ARHGEF12: variants seen among roughly 807,000 people sequenced by gnomAD.
The protein encoded by ARHGEF12 is Rho guanine nucleotide exchange factor 12.
In ARHGEF12, 66 loss-of-function variants were observed where a neutral mutation model predicts 211.2. The observed-to-expected ratio is 0.31, with a 90% CI of 0.26 to 0.38. ARHGEF12 has a LOEUF of 0.38. Ranked by LOEUF, ARHGEF12 falls within the 10% of genes least tolerant of loss-of-function variation. The pLI, the probability that ARHGEF12 is intolerant of heterozygous loss-of-function variation, is 1.00. For synonymous variants in ARHGEF12, 592 were observed against 638.4 expected, an observed-to-expected ratio of 0.93 and a Z score of 1.09; for missense variants, 1,429 against 1,869.5, an observed-to-expected ratio of 0.76 and a Z score of 4.34.
chr11:120,353,888 A>G (rs908987802), intron 1 of ARHGEF12, among the ~76,000 whole-genome samples: 2 of 152,314 alleles, frequency 1.3e-5, no homozygotes, highest in Admixed American at 6.5e-5. Context: ...AGGATATCTC[A>G]TACTGCAAAG....
At chr11:120,437,489 G>T in intron 12 of ARHGEF12, 107 bp downstream of exon 12, 1 of 709,850 alleles carries the variant, frequency 1.4e-6, no homozygotes, top group Non-Finnish European at 2.0e-6. Flanking sequence ...TTATTTTTTG[G>T]AAAAAAAATT....
At chr11:120,437,458 G>C in intron 12 of ARHGEF12, 76 bp downstream of exon 12, 1 of 968,518 alleles carries the variant, frequency 1.0e-6, no homozygotes. Context: ...AGACACATCT[G>C]ATGTTTACAT....
At chr11:120,467,131 T>C (rs1946725727) in intron 28 of ARHGEF12, 63 bp from the exon 29 acceptor site, 2 of 1,069,342 alleles carry the variant, frequency 1.9e-6, no homozygotes, top group Non-Finnish European at 2.9e-6. Flanking sequence ...TCACGGTGAA[T>C]ACATGGTACA....
chr11:120,343,410 G>T (rs78036586), intron 1 of ARHGEF12, among the ~76,000 whole-genome samples: 1 of 152,184 alleles, frequency 6.6e-6, no homozygotes, highest in Non-Finnish European at 1.5e-5. Flanking sequence ...AGGGAAGACC[G>T]CTATAAGACA....
chr11:120,419,623 C>CTG (rs1231522371), intron 4 of ARHGEF12, among the ~76,000 whole-genome samples: 1 of 151,682 alleles, frequency 6.6e-6, no homozygotes, highest in Non-Finnish European at 1.5e-5. Flanking sequence ...TGTATATACA[C>CTG]TGTGTGTATA....
Position 120,420,859 on chromosome 11 carries a change from A to G in ARHGEF12, c.298+8A>G, listed in dbSNP as rs1369849188. On this transcript the variant is annotated splice_region_variant and intron_variant, in intron 5 of 40. Transcript: ENST00000397843. ...TACAGTCTGTCAAAGAAGGCAAGGCATTTTAAAAAACAATTTATCACTCAG... is the reference window on the plus strand; with the variant it reads ...TACAGTCTGTCAAAGAAGGCAAGGCGTTTTAAAAAACAATTTATCACTCAG... The G allele has an allele frequency of 3.1e-6, 5 of 1,610,804 alleles. No homozygotes were observed. The highest frequency in any genetic ancestry group is 4.2e-6 in the Non-Finnish European group (5 of 1,177,276).
Position 120,488,970 on chromosome 11 carries a change from G to C in ARHGEF12, c.*3893G>C. On this transcript the variant is annotated 3_prime_UTR_variant, in exon 41 of 41. Transcript: ENST00000397843. ...AATATTGGTCATCTAAAAACTTTCT[G>C]TTTTCTGGGGTCTGGGAAAATAGAA... 4.6e-6 allele frequency: 1 copy of C among 218,972 alleles called. No homozygotes were observed. Among genetic ancestry groups the C allele is most frequent in the East Asian group, 6.8e-5 (1 of 14,728 alleles). The allele number at this position is 218,972 out of a possible 1,614,324, so 13.6% of individuals were successfully genotyped here. A position where few individuals can be genotyped will look rare whatever the true frequency, so the allele number is the denominator to read the frequency against.
intron 1 of ARHGEF12, among the ~76,000 whole-genome samples, chr11:120,378,153 C>T (rs1357915884): frequency 6.6e-6 from 1 of 152,050 alleles, no homozygotes; most frequent in Admixed American, 6.5e-5. Context: ...AAGAGTTTTA[C>T]TTGTTCTACA....
intron 20 of ARHGEF12, 25 bp from the exon 21 acceptor site, chr11:120,449,084 C>CT: frequency 2.5e-6 from 4 of 1,597,236 alleles, no homozygotes; most frequent in Non-Finnish European, 3.4e-6. Flanking sequence ...TTACGTATCT[C>CT]TTATTTTTTG....
chr11:120,348,618 G>T (rs1942840016), intron 1 of ARHGEF12, among the ~76,000 whole-genome samples: 1 of 152,160 alleles, frequency 6.6e-6, no homozygotes, highest in Non-Finnish European at 1.5e-5. Flanking sequence ...GAGGCAGGCG[G>T]ATCACCTGAG....
intron 40 of ARHGEF12, 135 bp downstream of exon 40, chr11:120,484,642 C>A: frequency 1.3e-6 from 1 of 793,478 alleles, no homozygotes; most frequent in Non-Finnish European, 2.0e-6. Flanking sequence ...TGTTTCTAAA[C>A]ATCAGATATC....
chr11:120,361,520 A>T (rs1943274224), intron 1 of ARHGEF12, among the ~76,000 whole-genome samples: 1 of 152,178 alleles, frequency 6.6e-6, no homozygotes, highest in South Asian at 2.1e-4. Context: ...CAAGTTATTT[A>T]TTGGACATCT....
chr11:120,452,963 G>C (rs1946255219), intron 22 of ARHGEF12, among the ~76,000 whole-genome samples: 1 of 149,906 alleles, frequency 6.7e-6, no homozygotes, highest in South Asian at 2.2e-4. Flanking sequence ...TCGTGCCAAT[G>C]CACTCCAGCC....
chr11:120,346,799 G>T (rs1942742216), intron 1 of ARHGEF12, among the ~76,000 whole-genome samples: 1 of 152,086 alleles, frequency 6.6e-6, no homozygotes, highest in Non-Finnish European at 1.5e-5. Flanking sequence ...TTAATGTACG[G>T]ACAATCTTGG....
intron 7 of ARHGEF12, among the ~76,000 whole-genome samples, chr11:120,427,564 G>C (rs1945383816): frequency 6.6e-6 from 1 of 151,370 alleles, no homozygotes. Flanking sequence ...GCAGCTACTT[G>C]TGGGGGCTGA....
intron 6 of ARHGEF12, among the ~76,000 whole-genome samples, chr11:120,422,487 G>A (rs1229675300): frequency 6.6e-6 from 1 of 152,112 alleles, no homozygotes; most frequent in Non-Finnish European, 1.5e-5. Context: ...TTGGTTCCAT[G>A]CACAAAAGTA....
chr11:120,447,837 A>G (rs577487079), intron 18 of ARHGEF12, 37 bp from the exon 19 acceptor site: 7 of 1,420,794 alleles, frequency 4.9e-6, no homozygotes, highest in Admixed American at 4.4e-5. Flanking sequence ...TTAAACTTCC[A>G]TATTTCATTT....
chr11:120,440,223 T>C lies in ARHGEF12; in HGVS notation c.1092+2T>C. ...GATTTTGGTACTGAACATGAACAGG[T>C]GATGACTTTTTTCTTTCTAAAAAAT... On this transcript the variant is annotated splice_donor_variant, in intron 13 of 40. Coordinates refer to ENST00000397843, the MANE Select transcript of ARHGEF12 (RefSeq NM_015313.3). LOFTEE classifies it high-confidence loss of function. The C allele has an allele frequency of 6.2e-7, 1 of 1,607,064 alleles. No homozygotes were observed. The highest frequency in any genetic ancestry group is 2.2e-5 in the East Asian group (1 of 44,768).
At position 120,409,439 on chromosome 11, in the gene ARHGEF12, C is replaced by T. The variant is rs763675654; in HGVS notation, c.188C>T (p.Ser63Phe). ...KTKSSSEESR[S>F]EIYGLVQRCV... is the part of the protein sequence containing the mutation. ...AAGTCTAGTTCAGAGGAGAGTAGAT[C>T]CGAGATATATGGTAAGCTAATGTAG... The change falls in exon 4 of 41, where the codon TCC (serine) becomes TTC (phenylalanine). Residue 63 changes from serine (S) to phenylalanine (F), a missense_variant. Ser to Phe is a radical substitution (Grantham distance 155, BLOSUM62 -2). This residue lies in a region of ARHGEF12 where 60 missense variants were observed against 121.0 expected (regional missense o/e 0.50). Transcript: ENST00000397843. The T allele has an allele frequency of 1.9e-6, 3 of 1,613,812 alleles. No individual in the cohort carries two copies. The highest frequency in any genetic ancestry group is 3.3e-5 in the Admixed American group (2 of 60,002).
Sources: allele counts gnomAD v4.1 joint callset (sites outside exome capture counted in the v4.1 genomes callset), GRCh38; gene constraint gnomAD v4.1.1; regional missense constraint gnomAD v4.1.1; transcripts MANE v1.5; gene names NCBI Gene and HGNC (gene_info 2026-07-23, HGNC 2026-07-21).